ABR: variants seen among roughly 807,000 people sequenced by gnomAD.
ABR encodes ABR activator of RhoGEF and GTPase, also known as active breakpoint cluster region-related protein.
A neutral mutation model predicts 107.2 loss-of-function variants in ABR; 35 were observed. That is an observed-to-expected ratio of 0.33 (90% CI 0.25 to 0.43). The LOEUF is 0.43. Ranked by LOEUF, ABR falls within the 20% of genes least tolerant of loss-of-function variation. The probability of loss-of-function intolerance (pLI) is 1.00; values close to 1 mark genes in which losing one functional copy is unlikely to be tolerated. For synonymous variants in ABR, 498 were observed against 462.0 expected, an observed-to-expected ratio of 1.08 and a Z score of -1.00; for missense variants, 815 against 1,115.2, an observed-to-expected ratio of 0.73 and a Z score of 3.83.
At chr17:1,206,282 G>C (rs1219365546) in intron 1 of ABR, among the ~76,000 whole-genome samples, 1 of 152,200 alleles carries the variant, frequency 6.6e-6, no homozygotes, top group Non-Finnish European at 1.5e-5. Context: ...TGACTGGGTT[G>C]TTGCGTGCAC....
Position 1,073,662 on chromosome 17 carries a change from G to A in ABR, c.716C>T (p.Pro239Leu). ...GGTGCTCCGAGTGACCCGGTCAATG[G>A]GCTTGTAGAGCAGAGCTGTCGGGGG... is the stretch of plus-strand genomic sequence containing the variant. ...SVTMEALLYK[P>L]IDRVTRSTLV... The change falls in exon 7 of 23, where the codon CCC (proline) becomes CTC (leucine). Residue 239 changes from proline to leucine, a missense_variant. This residue lies in a region of ABR where 385 missense variants were observed against 596.9 expected (regional missense o/e 0.64). Coordinates refer to ENST00000302538, the MANE Select transcript of ABR (RefSeq NM_021962.5). The A allele has an allele frequency of 6.2e-7, 1 of 1,606,208 alleles. No homozygotes were observed. The highest frequency in any genetic ancestry group is 8.5e-7 in the Non-Finnish European group (1 of 1,175,402).
At chr17:1,199,031 G>GCAA (rs1376331337) in intron 1 of ABR, among the ~76,000 whole-genome samples, 1 of 138,730 alleles carries the variant, frequency 7.2e-6, no homozygotes, top group Non-Finnish European at 1.5e-5. Flanking sequence ...TCCAGCCTGG[G>GCAA]CAACAGAGCG....
At position 1,151,613 on chromosome 17, in the gene ABR, C is replaced by T. The variant is rs138894320; in HGVS notation, c.62-26246G>A. 3.7e-3 allele frequency among the ~76,000 whole-genome samples: 567 copies of T among 152,342 alleles called. 2 individuals carry two copies. The highest frequency in any genetic ancestry group is 6.8e-3 in the Middle Eastern group (2 of 294). On this transcript the variant is annotated intron_variant, in intron 1 of 22. Transcript: ENST00000302538. Reference sequence around the variant, plus strand: ...CAGCAGGGGATGGAGAAGTGTGTTTCTTCACAGGACATCCTGAGAATGCCT... The same window carrying T: ...CAGCAGGGGATGGAGAAGTGTGTTTTTTCACAGGACATCCTGAGAATGCCT...
intron 1 of ABR, chr17:1,153,955 CCAGGCGGGGCTGATGCA>C: frequency 6.1e-6 from 1 of 165,014 alleles, no homozygotes; most frequent in Non-Finnish European, 1.3e-5. Flanking sequence ...CTCCAGCCTG[CCAGGCGGGGCTGATGCA>C]ATTCTCGGCA....
At chr17:1,006,319 C>T (rs1028773805) in intron 22 of ABR, 150 bp from the exon 23 acceptor site, 40 of 735,216 alleles carry the variant, frequency 5.4e-5, no homozygotes, top group African/African-American at 4.7e-4. Flanking sequence ...TTTCTGCAGC[C>T]GTGGAAGGTG....
chr17:1,121,694 G>A (rs1340111854), intron 2 of ABR, among the ~76,000 whole-genome samples: 1 of 148,924 alleles, frequency 6.7e-6, no homozygotes, highest in East Asian at 2.0e-4. Flanking sequence ...GCAGGGCTCT[G>A]AGCCTTGCTG....
intron 2 of ABR, among the ~76,000 whole-genome samples, chr17:1,106,288 T>C (rs1443490537): frequency 6.6e-6 from 1 of 152,130 alleles, no homozygotes; most frequent in African/African-American, 2.4e-5. Flanking sequence ...AACTGCTGCT[T>C]AAGGTAAGTA....
At chr17:1,048,771 C>T (rs1015484325) in intron 16 of ABR, among the ~76,000 whole-genome samples, 355 of 145,018 alleles carry the variant, frequency 2.4e-3, no homozygotes, top group African/African-American at 9.5e-3. Flanking sequence ...CGCCCAGCTG[C>T]GCCTGGATCA....
chr17:1,173,016 ACC>A, intron 1 of ABR, among the ~76,000 whole-genome samples: 1 of 96,498 alleles, frequency 1.0e-5, no homozygotes, highest in African/African-American at 3.6e-5. Flanking sequence ...ACCTCAGTCC[ACC>A]CAACACATCA....
intron 16 of ABR, among the ~76,000 whole-genome samples, chr17:1,024,209 G>A (rs904238740): frequency 2.0e-5 from 3 of 152,248 alleles, no homozygotes; most frequent in South Asian, 2.1e-4. Context: ...GCCTTGCTCC[G>A]AGTCTCACGT....
At position 1,037,205 on chromosome 17, in the gene ABR, A is replaced by G. The variant is rs530704923; in HGVS notation, c.1791+12845T>C. Among the ~76,000 whole-genome samples, 1 of 152,328 alleles carries G rather than the reference A, an allele frequency of 6.6e-6. No homozygotes were observed. Among genetic ancestry groups the G allele is most frequent in the South Asian group, 2.1e-4 (1 of 4,834 alleles). On this transcript the variant is annotated intron_variant, in intron 16 of 22. Coordinates refer to ENST00000302538, the MANE Select transcript of ABR (RefSeq NM_021962.5). The surrounding 1 kb of genome is among the most constrained non-coding windows in gnomAD (Gnocchi z 4.6). ...CAGTGTAAGGAAGAAGGCAGTCAGG[A>G]TGAAATCAGTTGCTCTACGGCCCAG...
At chr17:1,135,792 C>T (rs2040032913) in intron 1 of ABR, among the ~76,000 whole-genome samples, 1 of 152,172 alleles carries the variant, frequency 6.6e-6, no homozygotes, top group Non-Finnish European at 1.5e-5. Flanking sequence ...AGGAGATTCA[C>T]TTGAACCCGG....
intron 10 of ABR, among the ~76,000 whole-genome samples, chr17:1,066,041 G>C (rs1273103338): frequency 6.6e-6 from 1 of 152,010 alleles, no homozygotes. Context: ...CACCACGCCT[G>C]GATAATTTTG....
chr17:1,133,657 GA>G (rs1210239520), intron 1 of ABR, among the ~76,000 whole-genome samples: 13 of 152,184 alleles, frequency 8.5e-5, no homozygotes, highest in Admixed American at 7.9e-4. Flanking sequence ...TCCGATTCTG[GA>G]AATTTTGAAA....
intron 3 of ABR, among the ~76,000 whole-genome samples, chr17:1,094,289 G>T (rs923481128): frequency 6.6e-6 from 1 of 151,934 alleles, no homozygotes; most frequent in African/African-American, 2.4e-5. Flanking sequence ...GCAGCCTCAT[G>T]TGTGAAACTG....
chr17:1,226,696 G>T lies in ABR; in HGVS notation c.838+2097C>A, dbSNP rs563535413. Among the ~76,000 whole-genome samples, 618 of 150,096 alleles carry T rather than the reference G, an allele frequency of 4.1e-3. 5 individuals carry two copies. Among genetic ancestry groups the T allele is most frequent in the Non-Finnish European group, 6.5e-3 (436 of 67,516 alleles). On this transcript the variant is annotated intron_variant, in intron 1 of 22. Transcript: ENST00000574139. ...AGTATGCCATGTGTTTACATGTGCA[G>T]GTGTGTGTGTGTGCATGCATGTATG...
At chr17:1,174,821 C>T (rs1431178920) in intron 1 of ABR, among the ~76,000 whole-genome samples, 3 of 152,084 alleles carry the variant, frequency 2.0e-5, no homozygotes, top group African/African-American at 7.2e-5. Flanking sequence ...CTCTGCCTCT[C>T]CTCTAAGTAA....
At chr17:1,109,669 G>A (rs886927864) in intron 2 of ABR, among the ~76,000 whole-genome samples, 8 of 151,842 alleles carry the variant, frequency 5.3e-5, no homozygotes, top group Non-Finnish European at 8.8e-5. Flanking sequence ...ATGCGCCGGA[G>A]CCCCCTTCCG....
At chr17:1,180,121 G>T (rs1369126025), upstream of ABR, among the ~76,000 whole-genome samples, 2 of 151,566 alleles carry the variant, frequency 1.3e-5, no homozygotes, top group African/African-American at 4.8e-5. Context: ...GCCCCCGGCC[G>T]GGCTAAGGGG....
Sources: allele counts gnomAD v4.1 joint callset (sites outside exome capture counted in the v4.1 genomes callset), GRCh38; gene constraint gnomAD v4.1.1; regional missense constraint gnomAD v4.1.1; non-coding constraint Gnocchi (gnomAD v3.1); transcripts MANE v1.5; gene names NCBI Gene and HGNC (gene_info 2026-07-23, HGNC 2026-07-21).